The following SCML2 variants were observed in gnomAD, a reference collection of about 807,000 sequenced individuals.
SCML2 encodes the protein sex comb on midleg-like protein 2.
Under a neutral mutation model 48.4 loss-of-function variants are expected in SCML2, and 6 were observed. The observed-to-expected ratio is 0.12, with a 90% CI of 0.07 to 0.24. The LOEUF is 0.24. Ranked by LOEUF, SCML2 falls within the 10% of genes least tolerant of loss-of-function variation. The pLI, the probability that SCML2 is intolerant of heterozygous loss-of-function variation, is 1.00. For missense variants in SCML2, 377 were observed against 528.2 expected, an observed-to-expected ratio of 0.71 and a Z score of 2.81; for synonymous variants, 181 against 189.5, an observed-to-expected ratio of 0.95 and a Z score of 0.37.
chrX:18,354,722 G>T (rs1930488844), upstream of SCML2: 1 of 245,853 alleles, frequency 4.1e-6, no homozygotes, highest in Admixed American at 6.8e-5. Context: ...AACCGCCACT[G>T]CCGCCCCGCC....
In SCML2 at chrX:18,254,611, T is replaced by C. The variant is rs1926773523; in HGVS notation, c.1456+2237A>G. On this transcript the variant is annotated intron_variant, in intron 11 of 14. Transcript: ENST00000251900. Reference sequence around the variant, plus strand: ...GAGGCTTTGTAAATTACTGGCATTCTTAATGCTTTGTGTAAGAAATCAGGA... The same window carrying C: ...GAGGCTTTGTAAATTACTGGCATTCCTAATGCTTTGTGTAAGAAATCAGGA... Among the ~76,000 whole-genome samples the C allele has an allele frequency of 3.6e-5, 4 of 112,329 alleles. No homozygotes were observed. The South Asian group carries it at 1.5e-3, about 42-fold the overall frequency.
intron 1 of SCML2, among the ~76,000 whole-genome samples, chrX:18,343,171 C>CT (rs200760857): frequency 5.9e-4 from 61 of 103,354 alleles, no homozygotes; most frequent in East Asian, 2.4e-3. Context: ...CCCCACCTCC[C>CT]TTTTTTTTTT....
chrX:18,271,953 C>A (rs1036337912), intron 7 of SCML2, among the ~76,000 whole-genome samples: 4 of 110,600 alleles, frequency 3.6e-5, no homozygotes, highest in Admixed American at 1.9e-4. Flanking sequence ...ACTAATCAAT[C>A]ATGGGCAGCA....
chrX:18,294,994 C>A (rs1928347632), intron 7 of SCML2, among the ~76,000 whole-genome samples: 1 of 111,252 alleles, frequency 9.0e-6, no homozygotes, highest in South Asian at 3.8e-4. Flanking sequence ...AATTACCCCC[C>A]ACCCCCAGAA....
At chrX:18,295,450 C>T (rs1193116621) in intron 7 of SCML2, among the ~76,000 whole-genome samples, 1 of 112,203 alleles carries the variant, frequency 8.9e-6, no homozygotes, top group African/African-American at 3.2e-5. Context: ...GGCACATACC[C>T]GTTGGGGGCC....
intron 9 of SCML2, among the ~76,000 whole-genome samples, chrX:18,259,566 G>A (rs763543809): frequency 5.4e-5 from 6 of 111,681 alleles, no homozygotes; most frequent in South Asian, 3.7e-4. Context: ...GAACACAAGC[G>A]AAGCTAAACA....
At chrX:18,347,757 A>G (rs1356768610) in intron 1 of SCML2, among the ~76,000 whole-genome samples, 3 of 100,244 alleles carry the variant, frequency 3.0e-5, no homozygotes, top group Non-Finnish European at 6.1e-5. Context: ...AAAAAAGAAC[A>G]TTTTCATCTC....
intron 6 of SCML2, among the ~76,000 whole-genome samples, chrX:18,306,850 T>C (rs972916296): frequency 3.6e-5 from 4 of 111,034 alleles, no homozygotes; most frequent in Admixed American, 9.7e-5. Context: ...TTTATTTTTA[T>C]AGAGATGAGG....
intron 1 of SCML2, among the ~76,000 whole-genome samples, chrX:18,347,480 A>AG (rs1930236065): frequency 9.3e-6 from 1 of 107,328 alleles, no homozygotes; most frequent in African/African-American, 3.4e-5. Flanking sequence ...GGCCGGGCGC[A>AG]GGGGCTCATG....
At chrX:18,334,584 G>C (rs1331075338) in intron 1 of SCML2, among the ~76,000 whole-genome samples, 2 of 111,059 alleles carry the variant, frequency 1.8e-5, no homozygotes, top group Non-Finnish European at 1.9e-5. Context: ...TGTAAGAACT[G>C]CAAGAGTCAA....
intron 7 of SCML2, among the ~76,000 whole-genome samples, chrX:18,292,636 T>TA (rs1203372353): frequency 2.9e-4 from 32 of 110,411 alleles, no homozygotes; most frequent in African/African-American, 6.9e-4. Context: ...TTGTTTTTTT[T>TA]AAAAAAAAGC....
intron 7 of SCML2, among the ~76,000 whole-genome samples, chrX:18,289,358 C>T (rs991081688): frequency 8.9e-6 from 1 of 112,220 alleles, no homozygotes; most frequent in African/African-American, 3.2e-5. Context: ...ACATTTGTTC[C>T]AAGCTGTTCA....
chrX:18,349,546 T>G (rs1470515909), intron 1 of SCML2, among the ~76,000 whole-genome samples: 1 of 112,483 alleles, frequency 8.9e-6, no homozygotes, highest in East Asian at 2.8e-4. Flanking sequence ...ATCCCAGCAC[T>G]TTGGGAGGCC....
Position 18,250,117 on chromosome X carries a change from AAT to A in SCML2, c.1457-2237_1457-2236del, listed in dbSNP as rs769963627. ...AATGTCCAGTTTTCAACAAAAAAAA[AAT>A]GAGACATGCAAAGAAACAGTATGGT... On this transcript the variant is annotated intron_variant, in intron 11 of 14. Coordinates refer to ENST00000251900, the MANE Select transcript of SCML2 (RefSeq NM_006089.3). Among the ~76,000 whole-genome samples, 32 of 111,612 alleles carry A rather than the reference AAT, an allele frequency of 2.9e-4. No homozygotes were observed. In the South Asian group the frequency reaches 0.012, roughly 43 times the overall value.
chrX:18,265,785 T>A lies in SCML2; in HGVS notation c.748A>T (p.Ile250Leu). The change falls in exon 8 of 15, where the codon ATA (isoleucine) becomes TTA (leucine). Residue 250 changes from isoleucine to leucine, a missense_variant. Around this residue, in one of 3 missense-constraint regions of SCML2, gnomAD observed 299 missense variants for 425.5 expected, o/e 0.70. Coordinates refer to ENST00000251900, the MANE Select transcript of SCML2 (RefSeq NM_006089.3). Reference sequence around the variant, plus strand: ...GAAGGAGAAGACTCTGTTTTTGCTATATTCTTTACAATAGGAACTGAGGAA... The same window carrying A: ...GAAGGAGAAGACTCTGTTTTTGCTAAATTCTTTACAATAGGAACTGAGGAA... ...PGTSVPIVKN[I>L]AKTESSPSEA... The A allele has an allele frequency of 8.3e-7, 1 of 1,204,428 alleles. No homozygotes were observed. The highest frequency in any genetic ancestry group is 1.1e-6 in the Non-Finnish European group (1 of 890,035).
chrX:18,313,433 C>T (rs1478540874), intron 6 of SCML2, among the ~76,000 whole-genome samples: 1 of 111,252 alleles, frequency 9.0e-6, no homozygotes, highest in Non-Finnish European at 1.9e-5. Flanking sequence ...TGCCTTTCAC[C>T]TCCCACCATG....
At chrX:18,353,134 GA>G (rs149576101) in intron 1 of SCML2, among the ~76,000 whole-genome samples, 19,520 of 55,695 alleles carry the variant, frequency 0.35, 1,588 homozygotes, top group Middle Eastern at 0.53. Flanking sequence ...CCATTAAATA[GA>G]AAAAAAAAAA....
chrX:18,304,872 T>G (rs1928708143), intron 7 of SCML2, 100 bp downstream of exon 7: 1 of 977,172 alleles, frequency 1.0e-6, no homozygotes, highest in Non-Finnish European at 1.4e-6. Context: ...AGTTGGGGCA[T>G]GTACCACCTG....
intron 6 of SCML2, among the ~76,000 whole-genome samples, chrX:18,310,100 G>A (rs1928898877): frequency 1.8e-5 from 2 of 111,163 alleles, no homozygotes; most frequent in Admixed American, 1.9e-4. Context: ...TAAAGAATTT[G>A]GTTTGTCATC....
Sources: gnomAD v4.1 joint callset for allele counts (sites outside exome capture counted in the v4.1 genomes callset) on GRCh38, gnomAD v4.1.1 for gene constraint, gnomAD v4.1.1 regional missense constraint, MANE v1.5 for transcripts, NCBI Gene and HGNC (gene_info 2026-07-23, HGNC 2026-07-21) for gene names.